Variants in DTYMK observed in about 807,000 individuals in gnomAD.
DTYMK encodes deoxythymidylate kinase, also known as thymidylate kinase.
A neutral mutation model predicts 20.3 loss-of-function variants in DTYMK; 20 were observed. The observed-to-expected ratio is 0.99, with a 90% confidence interval of 0.69 to 1.43. The LOEUF (loss-of-function observed/expected upper bound fraction) is 1.43. Ranked by LOEUF, DTYMK falls within the 40% of genes most tolerant of loss-of-function variation. The probability of loss-of-function intolerance (pLI) is 0.00; values close to 1 mark genes in which losing one functional copy is unlikely to be tolerated. For missense variants in DTYMK, 320 were observed against 291.1 expected (o/e 1.10, Z -0.72); for synonymous variants, 148 against 124.4 (o/e 1.19, Z -1.27).
At position 241,678,636 on chromosome 2, in the gene DTYMK, T is replaced by A; in HGVS notation, c.344A>T (p.Asp115Val). The A allele has an allele frequency of 6.2e-7, 1 of 1,613,968 alleles. No homozygotes were observed. The highest frequency in any genetic ancestry group is 8.5e-7 in the Non-Finnish European group (1 of 1,179,990). Residue 115 changes from aspartate (D) to valine (V), a missense_variant, in exon 4 of 5, where the codon GAT becomes GTT. Coordinates refer to ENST00000305784, the MANE Select transcript of DTYMK (RefSeq NM_012145.4). The stretch of plus-strand genomic sequence containing the variant: ...GCCCACGTCTGGCTGTTTACACCAA[T>A]CTAGGGAAAAATTCTGCCAAGAAAG... ...FTGAKENFSL[D>V]WCKQPDVGLP...
intron 1 of DTYMK, 68 bp from the exon 2 acceptor site, chr2:241,685,945 T>C: frequency 6.9e-7 from 1 of 1,451,960 alleles, no homozygotes; most frequent in South Asian, 1.2e-5. Flanking sequence ...ACAATATAGT[T>C]TGGACTGAAT....
rs182852467 is a variant in DTYMK at position 241,684,989 on chromosome 2, A to C, written c.239+780T>G. 35 of 239,898 alleles carry C rather than the reference A, an allele frequency of 1.5e-4. 2 individuals carry two copies. The highest frequency in any genetic ancestry group is 7.5e-4 in the African/African-American group (33 of 43,972). 14.9% of individuals were successfully genotyped at this position (239,898 alleles called of 1,614,324 possible). On this transcript the variant is annotated intron_variant, in intron 2 of 4. Transcript: ENST00000305784. ...TTAAGTCTATGAGGCCAGGGGTTTG[A>C]GACCAGCCTGGGCGTGATATGGTGA...
intron 3 of DTYMK, among the ~76,000 whole-genome samples, chr2:241,679,726 T>C (rs1358747870): frequency 6.6e-6 from 1 of 152,158 alleles, no homozygotes; most frequent in Non-Finnish European, 1.5e-5. Context: ...CCTAGCACTT[T>C]GGGAGGCTGA....
chr2:241,684,777 G>A, intron 2 of DTYMK: 3 of 457,964 alleles, frequency 6.6e-6, no homozygotes, highest in Non-Finnish European at 4.5e-6. Flanking sequence ...AAAAAAAGGT[G>A]GTAGGAGAGT....
intron 2 of DTYMK, chr2:241,682,830 A>C: frequency 5.6e-6 from 1 of 177,652 alleles, no homozygotes; most frequent in South Asian, 8.5e-5. Context: ...AGGCTGAGGC[A>C]GGAGAATCGC....
intron 2 of DTYMK, chr2:241,682,955 A>C (rs35815994): frequency 0.2 from 30,393 of 155,204 alleles, 3,304 homozygotes; most frequent in East Asian, 0.28. Context: ...AAAACTTAGC[A>C]TGGTGGCATG....
Position 241,676,030 on chromosome 2 carries a change from T to G in DTYMK, c.*97A>C. On this transcript the variant is annotated 3_prime_UTR_variant, in exon 5 of 5. Coordinates refer to ENST00000305784, the MANE Select transcript of DTYMK (RefSeq NM_012145.4). ...TGCTGCCGGGAAAGAGCTCCTGAAG[T>G]TGTGGGGTCTGGACTCTGCTGGGGA... 1 of 1,146,558 alleles carries G rather than the reference T, an allele frequency of 8.7e-7. No homozygotes were observed. Among genetic ancestry groups the G allele is most frequent in the South Asian group, 1.6e-5 (1 of 61,808 alleles). 71.0% of individuals were successfully genotyped at this position (1,146,558 alleles called of 1,614,324 possible).
chr2:241,676,338 C>T (rs1237378507), intron 4 of DTYMK, 101 bp from the exon 5 acceptor site: 10 of 1,061,930 alleles, frequency 9.4e-6, no homozygotes, highest in Non-Finnish European at 1.4e-5. Flanking sequence ...GGGAGGCCCA[C>T]GAGGGAGGAC....
intron 2 of DTYMK, chr2:241,682,775 T>C (rs2069291401): frequency 6.7e-6 from 1 of 149,202 alleles, no homozygotes; most frequent in South Asian, 9.6e-5. Context: ...AATAGAAAAA[T>C]TAGCCGGGCG....
chr2:241,677,506 G>T (rs543116837), intron 4 of DTYMK, among the ~76,000 whole-genome samples: 40 of 152,404 alleles, frequency 2.6e-4, no homozygotes, highest in Admixed American at 9.8e-4. Context: ...AGGAGCTCAA[G>T]GGACTGAAGC....
chr2:241,679,538 G>T (rs1405690316), intron 3 of DTYMK, among the ~76,000 whole-genome samples: 1 of 152,170 alleles, frequency 6.6e-6, no homozygotes, highest in Non-Finnish European at 1.5e-5. Context: ...GGAGGCTGAA[G>T]CGGGAGGATC....
intron 3 of DTYMK, 84 bp from the exon 4 acceptor site, chr2:241,678,733 G>A: frequency 6.7e-7 from 1 of 1,492,904 alleles, no homozygotes; most frequent in Non-Finnish European, 9.2e-7. Flanking sequence ...AAAAATGAGG[G>A]GACATTTGGT....
chr2:241,684,576 A>G (rs1201391442), intron 2 of DTYMK: 2 of 365,968 alleles, frequency 5.5e-6, no homozygotes, highest in Non-Finnish European at 1.1e-5. Context: ...TAAGTGCAGA[A>G]ATCTGTAAGG....
rs770620579 is a variant in DTYMK, at chr2:241,686,808, G to A, written c.-25C>T. On this transcript the variant is annotated 5_prime_UTR_variant, in exon 1 of 5. The change creates a new upstream start codon in the 5' untranslated region. Coordinates refer to ENST00000305784, the MANE Select transcript of DTYMK (RefSeq NM_012145.4). ...TGACTGTCCACCGCCCGCCGCTGGC[G>A]TCTCCACGCAGCCTTCCGGAGCTCC... The A allele has an allele frequency of 1.4e-6, 2 of 1,440,516 alleles. No individual in the cohort carries two copies. Among genetic ancestry groups the A allele is most frequent in the Non-Finnish European group, 1.8e-6 (2 of 1,107,808 alleles). The allele number at this position is 1,440,516 out of a possible 1,614,324, so 89.2% of individuals were successfully genotyped here.
rs748447686 is a variant in DTYMK at position 241,685,751 on chromosome 2, G to A, written c.239+18C>T. 6.2e-7 allele frequency: 1 copy of A among 1,609,268 alleles called. No homozygotes were observed. Among genetic ancestry groups the A allele is most frequent in the Non-Finnish European group, 8.5e-7 (1 of 1,175,680 alleles). On this transcript the variant is annotated intron_variant, in intron 2 of 4. Transcript: ENST00000305784. The stretch of plus-strand genomic sequence containing the variant: ...GAAAGTGGCAAGGGCAGAGGGAGCA[G>A]TGTGCAATGGTTTTTACACTTGTTC...
chr2:241,685,610 T>C (rs1034244330), intron 2 of DTYMK, 159 bp downstream of exon 2: 11 of 662,484 alleles, frequency 1.7e-5, no homozygotes, highest in Non-Finnish European at 2.8e-5. Flanking sequence ...CTTTGGGAAC[T>C]AGGGCGCTTC....
chr2:241,686,001 T>A, intron 1 of DTYMK, 124 bp from the exon 2 acceptor site: 1 of 916,484 alleles, frequency 1.1e-6, no homozygotes, highest in Non-Finnish European at 1.6e-6. Context: ...TTACTAAATC[T>A]CTAGACAGGC....
intron 2 of DTYMK, among the ~76,000 whole-genome samples, chr2:241,680,682 AAAAG>A (rs1371887251): frequency 5.3e-5 from 8 of 152,314 alleles, no homozygotes; most frequent in African/African-American, 1.2e-4. Context: ...CAAAAAAAGA[AAAAG>A]AAAATTATCC....
At chr2:241,677,259 C>A (rs1340585738) in intron 4 of DTYMK, among the ~76,000 whole-genome samples, 1 of 152,228 alleles carries the variant, frequency 6.6e-6, no homozygotes, top group African/African-American at 2.4e-5. Flanking sequence ...ACTCCCTACA[C>A]AAGGGCCACC....
Sources: allele counts gnomAD v4.1 joint callset (sites outside exome capture counted in the v4.1 genomes callset), GRCh38; gene constraint gnomAD v4.1.1; transcripts MANE v1.5; gene names NCBI Gene and HGNC (gene_info 2026-07-23, HGNC 2026-07-21).